The following HAUS3 variants were observed in gnomAD, a reference collection of about 807,000 sequenced individuals.
HAUS3 encodes HAUS augmin like complex subunit 3, also known as HAUS augmin-like complex subunit 3.
A neutral mutation model predicts 55.2 loss-of-function variants in HAUS3; 36 were observed. The ratio of observed to expected loss-of-function variants is 0.65; its 90% CI spans 0.50 to 0.86. The LOEUF (loss-of-function observed/expected upper bound fraction) is 0.86, where lower values mean the gene tolerates loss of function less well. HAUS3 is among the 40% of genes least tolerant of loss of function. HAUS3 has a pLI of 0.00. For synonymous variants in HAUS3, 234 were observed against 238.6 expected (o/e 0.98, Z 0.18); for missense variants, 752 against 671.5 (o/e 1.12, Z -1.33).
At chr4:2,241,462 T>G (rs1734984565) in intron 2 of HAUS3, 58 bp downstream of exon 2, 2 of 980,860 alleles carry the variant, frequency 2.0e-6, no homozygotes, top group Non-Finnish European at 2.4e-6. Context: ...CTGCCCTCCG[T>G]ACGTAAGAAG....
At chr4:2,241,460 C>G in intron 2 of HAUS3, 60 bp downstream of exon 2, 2 of 979,698 alleles carry the variant, frequency 2.0e-6, no homozygotes, top group Non-Finnish European at 2.4e-6. Context: ...CCCTGCCCTC[C>G]GTACGTAAGA....
intron 4 of HAUS3, among the ~76,000 whole-genome samples, chr4:2,237,641 T>G (rs1045657620): frequency 9.9e-5 from 15 of 152,150 alleles, no homozygotes; most frequent in Admixed American, 3.3e-4. Flanking sequence ...CTCTGAGACT[T>G]ATTTCCACAT....
In HAUS3 at chr4:2,238,828, A is replaced by T. The variant is rs1270384539; in HGVS notation, c.1125T>A (p.Asn375Lys). 5 of 1,612,892 alleles carry T rather than the reference A, an allele frequency of 3.1e-6. No homozygotes were observed. The Admixed American group carries it at 8.3e-5, about 27-fold the overall frequency. Residue 375 changes from asparagine to lysine, a missense_variant, in exon 4 of 6, where the codon AAT becomes AAA. Physicochemically the swap from Asn to Lys is moderately conservative, Grantham distance 94. Transcript: ENST00000443786. Reference sequence around the variant, plus strand: ...ATGATGCCTTTTGTTTTATTAATTGATTTAAAACTAACTCTTGTCTTGCTG... The same window carrying T: ...ATGATGCCTTTTGTTTTATTAATTGTTTTAAAACTAACTCTTGTCTTGCTG... ...YYTARQELVL[N>K]QLIKQKASFE...
At chr4:2,239,674 A>C (rs557197186) in intron 3 of HAUS3, among the ~76,000 whole-genome samples, 3 of 152,322 alleles carry the variant, frequency 2.0e-5, no homozygotes, top group African/African-American at 7.2e-5. Flanking sequence ...CTCTGGTTGG[A>C]GCAAACGAGG....
Position 2,238,889 on chromosome 4 carries a change from T to A in HAUS3, c.1064A>T (p.Asp355Val), listed in dbSNP as rs1734865089. ...TTGTTTAGCAATCTGCAGATCAAAA[T>A]CTCCCTTTACCACTGGCATATTCAA... is the stretch of plus-strand genomic sequence containing the variant. ...QLLNMPVVKG[D>V]FDLQIAKQDY... Residue 355 changes from aspartate to valine, a missense_variant, in exon 4 of 6, where the codon GAT becomes GTT. Asp to Val is a radical substitution (Grantham distance 152). Transcript: ENST00000443786. 1 of 1,613,120 alleles carries A rather than the reference T, an allele frequency of 6.2e-7. No homozygotes were observed. Among genetic ancestry groups the A allele is most frequent in the African/African-American group, 1.3e-5 (1 of 74,886 alleles).
chr4:2,241,603 G>C lies in HAUS3; in HGVS notation c.-231C>G, dbSNP rs1734991077. 1 of 985,616 alleles carries C rather than the reference G, an allele frequency of 1.0e-6. No individual in the cohort carries two copies. Among genetic ancestry groups the C allele is most frequent in the Non-Finnish European group, 1.2e-6 (1 of 830,092 alleles). The allele number at this position is 985,616 out of a possible 1,614,324, so 61.1% of individuals were successfully genotyped here. On this transcript the variant is annotated 5_prime_UTR_variant, in exon 2 of 6. Coordinates refer to ENST00000443786, the MANE Select transcript of HAUS3 (RefSeq NM_001303143.2). ...CAGCAGGAGCAGCAGGGAAGCGCGC[G>C]GCCACAATTAAGGGTGCTTCGGGCC...
chr4:2,232,098 A>G lies in HAUS3; in HGVS notation c.1641T>C (p.Thr547=). The change falls in exon 6 of 6, where the codon ACT becomes ACC. Residue 547 remains threonine (T), a synonymous_variant. Coordinates refer to ENST00000443786, the MANE Select transcript of HAUS3 (RefSeq NM_001303143.2). ...TTGTCTTCACATCAGCAAGAATATCAGTGAGGAGATGATTTAGCTTATTCA... is the reference window on the plus strand; with the variant it reads ...TTGTCTTCACATCAGCAAGAATATCGGTGAGGAGATGATTTAGCTTATTCA... ...SQLNKLNHLL[T]DILADVKTKR... is the part of the protein sequence containing the mutation. The G allele has an allele frequency of 1.2e-6, 2 of 1,603,188 alleles. No homozygotes were observed. The highest frequency in any genetic ancestry group is 1.7e-6 in the Non-Finnish European group (2 of 1,175,538).
chr4:2,234,463 G>A (rs1734686638), intron 5 of HAUS3: 1 of 153,188 alleles, frequency 6.5e-6, no homozygotes, highest in African/African-American at 2.4e-5. Context: ...CCTTGGTCTT[G>A]ACCTGGGACA....
Position 2,228,707 on chromosome 4 carries a change from T to G in HAUS3, c.*3220A>C, listed in dbSNP as rs558267095. 1.5e-4 allele frequency: 26 copies of G among 173,396 alleles called. No homozygotes were observed. Among genetic ancestry groups the G allele is most frequent in the Non-Finnish European group, 2.6e-4 (21 of 81,362 alleles). 10.7% of individuals were successfully genotyped at this position (173,396 alleles called of 1,614,324 possible). A position where few individuals can be genotyped will look rare whatever the true frequency, so the allele number is the denominator to read the frequency against. Reference sequence around the variant, plus strand: ...TCCAATAATCCTTGCCACCTAAGAGTTTACATTTCTATAGCAGCACAATAC... The same window carrying G: ...TCCAATAATCCTTGCCACCTAAGAGGTTACATTTCTATAGCAGCACAATAC... On this transcript the variant is annotated 3_prime_UTR_variant, in exon 6 of 6. Transcript: ENST00000443786.
chr4:2,240,990 G>A lies in HAUS3; in HGVS notation c.-44C>T, dbSNP rs375675704. The A allele has an allele frequency of 4.3e-6, 6 of 1,408,524 alleles. No individual in the cohort carries two copies. Among genetic ancestry groups the A allele is most frequent in the Non-Finnish European group, 5.8e-6 (6 of 1,036,284 alleles). The allele number at this position is 1,408,524 out of a possible 1,614,324, so 87.3% of individuals were successfully genotyped here. On this transcript the variant is annotated 5_prime_UTR_variant, in exon 3 of 6. Transcript: ENST00000443786. Reference sequence around the variant, plus strand: ...TTTGTTGTATCTGATATGGGTTTACGGTGTTGATTTTTAGAAAATAAATCC... The same window carrying A: ...TTTGTTGTATCTGATATGGGTTTACAGTGTTGATTTTTAGAAAATAAATCC...
Position 2,240,295 on chromosome 4 carries a change from T to C in HAUS3, c.652A>G (p.Thr218Ala). ...EQSTAALTLY[T>A]KKQFFQGIHE... ...ATACCCTGAAAGAACTGTTTTTTGG[T>C]ATACAAAGTTAATGCTGCTGTGCTT... The change falls in exon 3 of 6, where the codon ACC (threonine) becomes GCC (alanine). Residue 218 changes from threonine (T) to alanine (A), a missense_variant. Coordinates refer to ENST00000443786, the MANE Select transcript of HAUS3 (RefSeq NM_001303143.2). 1.2e-6 allele frequency: 2 copies of C among 1,611,498 alleles called. No individual in the cohort carries two copies. Among genetic ancestry groups the C allele is most frequent in the Non-Finnish European group, 1.7e-6 (2 of 1,178,346 alleles).
intron 5 of HAUS3, among the ~76,000 whole-genome samples, chr4:2,232,364 A>C (rs976497890): frequency 6.6e-6 from 1 of 152,202 alleles, no homozygotes; most frequent in African/African-American, 2.4e-5. Flanking sequence ...CTGATAGATA[A>C]TTTTAAGTGA....
In HAUS3 at chr4:2,228,955, A is replaced by C. The variant is rs76592500; in HGVS notation, c.*2972T>G. 793 of 652,190 alleles carry C rather than the reference A, an allele frequency of 1.2e-3. 7 individuals carry two copies. In the African/African-American group the frequency reaches 0.014, roughly 11 times the overall value. The allele number at this position is 652,190 out of a possible 1,614,324, so 40.4% of individuals were successfully genotyped here. On this transcript the variant is annotated 3_prime_UTR_variant, in exon 6 of 6. Coordinates refer to ENST00000443786, the MANE Select transcript of HAUS3 (RefSeq NM_001303143.2). ...AGGGAACACGAAAGTTAGCAAGCAGAAGCTCAGTCTGCACTGAATGAGTGT... is the reference window on the plus strand; with the variant it reads ...AGGGAACACGAAAGTTAGCAAGCAGCAGCTCAGTCTGCACTGAATGAGTGT...
At chr4:2,238,524 A>G (rs1405489845) in intron 4 of HAUS3, 80 bp downstream of exon 4, 2 of 962,472 alleles carry the variant, frequency 2.1e-6, no homozygotes, top group Non-Finnish European at 1.4e-6. Flanking sequence ...AAAACTTCCA[A>G]AATTTTAGCT....
intron 5 of HAUS3, among the ~76,000 whole-genome samples, chr4:2,235,580 C>T (rs964867743): frequency 6.6e-6 from 1 of 152,116 alleles, no homozygotes; most frequent in African/African-American, 2.4e-5. Context: ...TATAGCTTTA[C>T]GTGTATCAAC....
intron 5 of HAUS3, among the ~76,000 whole-genome samples, chr4:2,234,655 T>C (rs868853473): frequency 1.3e-5 from 2 of 152,126 alleles, no homozygotes; most frequent in African/African-American, 2.4e-5. Flanking sequence ...GAAAACTATA[T>C]GCCTTACATT....
intron 4 of HAUS3, among the ~76,000 whole-genome samples, chr4:2,236,820 G>A (rs1734783815): frequency 6.6e-6 from 1 of 151,406 alleles, no homozygotes; most frequent in Non-Finnish European, 1.5e-5. Flanking sequence ...CCCAGATTGC[G>A]CCACTGCACT....
intron 1 of HAUS3, 47 bp downstream of exon 1, chr4:2,242,004 T>C: frequency 2.0e-6 from 2 of 985,448 alleles, no homozygotes; most frequent in East Asian, 1.1e-4. Flanking sequence ...CGGCCACTCC[T>C]CCAGCCCCAC....
chr4:2,241,001 T>C lies in HAUS3; in HGVS notation c.-55A>G. Reference sequence around the variant, plus strand: ...TGATATGGGTTTACGGTGTTGATTTTTAGAAAATAAATCCAAGCAGAAAAA... The same window carrying C: ...TGATATGGGTTTACGGTGTTGATTTCTAGAAAATAAATCCAAGCAGAAAAA... On this transcript the variant is annotated 5_prime_UTR_variant, in exon 3 of 6. Coordinates refer to ENST00000443786, the MANE Select transcript of HAUS3 (RefSeq NM_001303143.2). 1.5e-6 allele frequency: 2 copies of C among 1,336,276 alleles called. No homozygotes were observed. Among genetic ancestry groups the C allele is most frequent in the Non-Finnish European group, 2.1e-6 (2 of 971,594 alleles). 82.8% of individuals were successfully genotyped at this position (1,336,276 alleles called of 1,614,324 possible). A position where few individuals can be genotyped will look rare whatever the true frequency, so the allele number is the denominator to read the frequency against.
Sources: allele counts gnomAD v4.1 joint callset (sites outside exome capture counted in the v4.1 genomes callset), GRCh38; gene constraint gnomAD v4.1.1; transcripts MANE v1.5; gene names NCBI Gene and HGNC (gene_info 2026-07-23, HGNC 2026-07-21).